Variants in SCUBE2 observed in about 807,000 individuals in gnomAD.
SCUBE2 encodes the protein signal peptide, CUB and EGF-like domain-containing protein 2.
Under a neutral mutation model 125.9 loss-of-function variants are expected in SCUBE2, and 114 were observed. That is an observed-to-expected ratio of 0.91 (90% CI 0.78 to 1.06). The LOEUF (loss-of-function observed/expected upper bound fraction) is 1.06. SCUBE2 is among the 50% of genes least tolerant of loss of function. The probability of loss-of-function intolerance (pLI) is 0.00; values close to 1 mark genes in which losing one functional copy is unlikely to be tolerated. For synonymous variants in SCUBE2, 459 were observed against 492.9 expected (o/e 0.93, Z 0.91); for missense variants, 1,255 against 1,301.8 (o/e 0.96, Z 0.55).
intron 5 of SCUBE2, among the ~76,000 whole-genome samples, chr11:9,067,815 C>G (rs977181485): frequency 5.9e-5 from 9 of 152,132 alleles, no homozygotes; most frequent in Admixed American, 3.3e-4. Flanking sequence ...GCAGTGATAT[C>G]TTAAAGACAT....
chr11:9,069,187 C>T (rs550255974), intron 5 of SCUBE2, among the ~76,000 whole-genome samples, 183 bp downstream of exon 5: 185 of 152,348 alleles, frequency 1.2e-3, no homozygotes, highest in African/African-American at 4.3e-3. Flanking sequence ...TATCATTTCC[C>T]TTCCCTAAGG....
intron 3 of SCUBE2, 30 bp downstream of exon 3, chr11:9,079,354 A>G (rs758868533): frequency 1.2e-6 from 2 of 1,613,428 alleles, no homozygotes; most frequent in South Asian, 2.2e-5. Flanking sequence ...AGAGTGAAGG[A>G]GAATTGCCAT....
intron 16 of SCUBE2, among the ~76,000 whole-genome samples, chr11:9,037,880 C>A (rs1856868358): frequency 6.6e-6 from 1 of 152,228 alleles, no homozygotes; most frequent in Admixed American, 6.5e-5. Context: ...ACACTATGTT[C>A]TTTTCATGCC....
chr11:9,044,729 CCTCCCTGCCTCT>C (rs1857536950), intron 16 of SCUBE2, among the ~76,000 whole-genome samples: 2 of 152,114 alleles, frequency 1.3e-5, no homozygotes, highest in African/African-American at 2.4e-5. Context: ...CCTTGCTCTC[CCTCCCTGCCTCT>C]CTCAGCTCTC....
At position 9,065,937 on chromosome 11, in the gene SCUBE2, T is replaced by A; in HGVS notation, c.804A>T (p.Thr268=). Residue 268 remains threonine, a synonymous_variant, in exon 7 of 23, where the codon ACA becomes ACT. Transcript: ENST00000649792. ...CCCGTTTATCCCCATCCACCACTGA[T>A]GTGGTGTTGCTCTCTGTCACCTCCA... ...TVLEVTESNT[T]SVVDGDKRVK... is the part of the protein sequence containing the mutation. 1 of 1,614,160 alleles carries A rather than the reference T, an allele frequency of 6.2e-7. No individual in the cohort carries two copies. The highest frequency in any genetic ancestry group is 8.5e-7 in the Non-Finnish European group (1 of 1,179,974).
intron 16 of SCUBE2, 64 bp from the exon 17 acceptor site, chr11:9,033,860 T>A: frequency 6.4e-7 from 1 of 1,555,530 alleles, no homozygotes; most frequent in East Asian, 2.3e-5. Flanking sequence ...TGATGTGAGT[T>A]CTAGAGATGA....
chr11:9,072,942 C>A (rs139842869), intron 4 of SCUBE2, among the ~76,000 whole-genome samples: 345 of 152,196 alleles, frequency 2.3e-3, no homozygotes, highest in Non-Finnish European at 3.5e-3. Context: ...TGGGGCTGAG[C>A]CAGGGCTCTG....
intron 17 of SCUBE2, among the ~76,000 whole-genome samples, chr11:9,032,148 G>T (rs1856363311): frequency 6.6e-6 from 1 of 151,192 alleles, no homozygotes; most frequent in Non-Finnish European, 1.5e-5. Flanking sequence ...TTTGAGACAG[G>T]GTCTCTGTTG....
At chr11:9,073,193 T>A (rs1054643324) in intron 4 of SCUBE2, among the ~76,000 whole-genome samples, 1 of 152,156 alleles carries the variant, frequency 6.6e-6, no homozygotes, top group Non-Finnish European at 1.5e-5. Context: ...CATCTCGAAT[T>A]TGGCCTACAT....
At chr11:9,077,985 G>A (rs142496798) in intron 3 of SCUBE2, among the ~76,000 whole-genome samples, 32 of 152,198 alleles carry the variant, frequency 2.1e-4, no homozygotes, top group African/African-American at 6.0e-4. Context: ...CCGCCACCCC[G>A]GGCTGTGGAT....
At chr11:9,036,222 A>G (rs1420272380) in intron 16 of SCUBE2, among the ~76,000 whole-genome samples, 1 of 152,216 alleles carries the variant, frequency 6.6e-6, no homozygotes, top group Non-Finnish European at 1.5e-5. Flanking sequence ...TTAAAAGTGA[A>G]CCAAACTCTT....
At chr11:9,041,161 T>C (rs1288456342) in intron 16 of SCUBE2, among the ~76,000 whole-genome samples, 1 of 152,272 alleles carries the variant, frequency 6.6e-6, no homozygotes, top group African/African-American at 2.4e-5. Context: ...CTTTATCTTG[T>C]TCTGTCTTTT....
chr11:9,021,249 C>G (rs1855270411), intron 22 of SCUBE2, 52 bp from the exon 23 acceptor site: 1 of 1,474,284 alleles, frequency 6.8e-7, no homozygotes, highest in Non-Finnish European at 9.1e-7. Context: ...AATATGCTGA[C>G]ATTTTGCCCA....
chr11:9,045,402 G>A (rs1056358947), intron 16 of SCUBE2, among the ~76,000 whole-genome samples: 1 of 151,762 alleles, frequency 6.6e-6, no homozygotes, highest in Non-Finnish European at 1.5e-5. Context: ...AAACATAATG[G>A]TTCCATCTCT....
chr11:9,083,640 C>T (rs530143393), intron 2 of SCUBE2, among the ~76,000 whole-genome samples: 19 of 151,952 alleles, frequency 1.3e-4, no homozygotes, highest in African/African-American at 4.3e-4. Flanking sequence ...CTGCAACCTC[C>T]GCCCCCCAGG....
intron 3 of SCUBE2, among the ~76,000 whole-genome samples, chr11:9,075,214 A>G (rs935536595): frequency 4.6e-5 from 7 of 152,040 alleles, no homozygotes; most frequent in African/African-American, 4.8e-5. Flanking sequence ...CTAAAAAAAA[A>G]AAAAAAAAAA....
rs138426692 is a variant in SCUBE2, at chr11:9,025,798, C to T, written c.2758G>A (p.Ala920Thr). The T allele has an allele frequency of 3.0e-5, 48 of 1,614,098 alleles. 1 individual carries two copies. The South Asian group carries it at 4.2e-4, about 14-fold the overall frequency. Residue 920 changes from alanine (A) to threonine (T), a missense_variant, in exon 21 of 23, where the codon GCC becomes ACC. Physicochemically the swap from Ala to Thr is moderately conservative, Grantham distance 58. This residue lies in a region of SCUBE2 where 515 missense variants were observed against 515.7 expected (regional missense o/e 1.00). Coordinates refer to ENST00000649792, the MANE Select transcript of SCUBE2 (RefSeq NM_001367977.2). ...ETCQTYERPI[A>T]FTSRSKKLWI... is the part of the protein sequence containing the mutation. ...AGCTTCTTTGACCTGGAGGTGAAGGCGATGGGGCGTTCGTAGGTCTGGCAG... is the reference window on the plus strand; with the variant it reads ...AGCTTCTTTGACCTGGAGGTGAAGGTGATGGGGCGTTCGTAGGTCTGGCAG...
intron 3 of SCUBE2, among the ~76,000 whole-genome samples, chr11:9,077,595 T>A (rs192586240): frequency 2.6e-4 from 39 of 152,354 alleles, no homozygotes; most frequent in Non-Finnish European, 1.5e-5. Context: ...GGCTCTGAGC[T>A]TCTTTTTTGC....
intron 6 of SCUBE2, 123 bp downstream of exon 6, chr11:9,066,574 G>T: frequency 1.3e-6 from 1 of 775,096 alleles, no homozygotes; most frequent in Admixed American, 1.9e-5. Flanking sequence ...AGCAGCACAG[G>T]GCCTGCTGGG....
Sources: gnomAD v4.1 joint callset for allele counts (sites outside exome capture counted in the v4.1 genomes callset) on GRCh38, gnomAD v4.1.1 for gene constraint, gnomAD v4.1.1 regional missense constraint, MANE v1.5 for transcripts, NCBI Gene and HGNC (gene_info 2026-07-23, HGNC 2026-07-21) for gene names.